The following NBEA variants were observed in gnomAD, a reference collection of about 807,000 sequenced individuals.
NBEA encodes the protein neurobeachin, also known as lysosomal-trafficking regulator 2.
In NBEA, 44 loss-of-function variants were observed where a neutral mutation model predicts 343.4. The observed-to-expected ratio is 0.13, with a 90% CI of 0.10 to 0.16. The LOEUF (loss-of-function observed/expected upper bound fraction) is 0.16, where lower values mean the gene tolerates loss of function less well. NBEA is among the 10% of genes least tolerant of loss of function. The pLI is 1.00. For missense variants in NBEA, 2,555 were observed against 3,631.3 expected, an observed-to-expected ratio of 0.70 and a Z score of 7.62; for synonymous variants, 1,175 against 1,238.7, an observed-to-expected ratio of 0.95 and a Z score of 1.08.
At chr13:35,258,540 T>A (rs1593970617) in intron 34 of NBEA, among the ~76,000 whole-genome samples, 2 of 148,784 alleles carry the variant, frequency 1.3e-5, no homozygotes, top group South Asian at 2.1e-4. Flanking sequence ...TTACTGGCCA[T>A]AAAAAAAAAA....
intron 39 of NBEA, among the ~76,000 whole-genome samples, chr13:35,443,243 A>G (rs184949608): frequency 3.9e-5 from 6 of 152,218 alleles, no homozygotes; most frequent in Admixed American, 2.0e-4. Context: ...AAAAGTCTGT[A>G]CAAGTTCCTT....
At chr13:35,515,512 T>A (rs2077450045) in intron 41 of NBEA, among the ~76,000 whole-genome samples, 1 of 152,232 alleles carries the variant, frequency 6.6e-6, no homozygotes. Flanking sequence ...GCAGCTTTGA[T>A]TATTAATTAA....
chr13:35,329,172 A>G (rs565423922), intron 36 of NBEA, among the ~76,000 whole-genome samples: 30 of 152,136 alleles, frequency 2.0e-4, no homozygotes, highest in African/African-American at 7.0e-4. Flanking sequence ...TGTAATGGGA[A>G]TAAATAGATT....
chr13:35,432,380 T>C lies in NBEA; in HGVS notation c.6291T>C (p.Ala2097=). Residue 2097 remains alanine, a synonymous_variant, in exon 39 of 59, where the codon GCT becomes GCC. Coordinates refer to ENST00000379939, the MANE Select transcript of NBEA (RefSeq NM_001385012.1). ...GSTHAEALLK[A]AIEYGTEEDV... is the part of the protein sequence containing the mutation. ...CTCATGCTGAAGCATTGCTGAAAGC[T>C]GCAATAGAATATGGTTAGTACCAAT... 2 of 1,606,314 alleles carry C rather than the reference T, an allele frequency of 1.2e-6. No individual in the cohort carries two copies. Among genetic ancestry groups the C allele is most frequent in the Non-Finnish European group, 1.7e-6 (2 of 1,176,002 alleles).
intron 18 of NBEA, among the ~76,000 whole-genome samples, chr13:35,154,951 C>A (rs1428122955): frequency 6.6e-6 from 1 of 151,090 alleles, no homozygotes; most frequent in Admixed American, 6.6e-5. Flanking sequence ...TAAAGTGGAC[C>A]CCATCTTTAC....
chr13:35,456,009 T>C (rs1301374507), intron 40 of NBEA, among the ~76,000 whole-genome samples: 1 of 152,052 alleles, frequency 6.6e-6, no homozygotes, highest in Non-Finnish European at 1.5e-5. Flanking sequence ...ACTGGTTCCA[T>C]TACATTAGAA....
At chr13:35,642,729 A>C (rs2084022599) in intron 49 of NBEA, among the ~76,000 whole-genome samples, 1 of 152,110 alleles carries the variant, frequency 6.6e-6, no homozygotes, top group Non-Finnish European at 1.5e-5. Flanking sequence ...TTTTAAGAGA[A>C]GCCAAAAAAT....
At chr13:35,276,382 G>T (rs919364782) in intron 34 of NBEA, among the ~76,000 whole-genome samples, 7 of 152,078 alleles carry the variant, frequency 4.6e-5, no homozygotes, top group Non-Finnish European at 8.8e-5. Flanking sequence ...AGACATTTGG[G>T]TGCTTAAAAT....
At chr13:35,417,064 T>C (rs1345021085) in intron 38 of NBEA, among the ~76,000 whole-genome samples, 1 of 152,238 alleles carries the variant, frequency 6.6e-6, no homozygotes. Flanking sequence ...TTTGTATTTC[T>C]GTGGAAACGG....
At chr13:35,107,435 T>C (rs1432830054) in intron 11 of NBEA, among the ~76,000 whole-genome samples, 1 of 151,982 alleles carries the variant, frequency 6.6e-6, no homozygotes, top group Non-Finnish European at 1.5e-5. Flanking sequence ...ATAATTCTAT[T>C]ATATTAATAC....
At chr13:35,090,618 A>G (rs914962340) in intron 10 of NBEA, among the ~76,000 whole-genome samples, 13 of 151,908 alleles carry the variant, frequency 8.6e-5, no homozygotes, top group Non-Finnish European at 4.4e-5. Flanking sequence ...ATCTGGGCAT[A>G]TTGAACAACT....
intron 31 of NBEA, among the ~76,000 whole-genome samples, chr13:35,207,223 T>G (rs544964948): frequency 3.5e-4 from 53 of 151,986 alleles, no homozygotes; most frequent in African/African-American, 1.3e-3. Flanking sequence ...AAACCACTTA[T>G]TTGTGGAAAA....
intron 1 of NBEA, among the ~76,000 whole-genome samples, chr13:34,970,323 A>G (rs2059958874): frequency 6.6e-6 from 1 of 152,056 alleles, no homozygotes; most frequent in Admixed American, 6.6e-5. Flanking sequence ...CATGGTTTGT[A>G]AAATTTTCTC....
chr13:35,157,321 A>T, intron 21 of NBEA, 51 bp downstream of exon 21: 1 of 1,323,836 alleles, frequency 7.6e-7, no homozygotes, highest in South Asian at 2.0e-5. Context: ...GCAGTGGATT[A>T]AATGGCTACA....
At chr13:35,057,693 A>G (rs1345917255) in intron 7 of NBEA, among the ~76,000 whole-genome samples, 1 of 152,036 alleles carries the variant, frequency 6.6e-6, no homozygotes, top group Non-Finnish European at 1.5e-5. Context: ...TTTATTATAG[A>G]GTGGAGGAAA....
chr13:35,161,472 G>T (rs1235152753), intron 22 of NBEA, among the ~76,000 whole-genome samples: 1 of 151,970 alleles, frequency 6.6e-6, no homozygotes, highest in South Asian at 2.1e-4. Flanking sequence ...GGGGTAAAGG[G>T]GTCTGGTTTT....
intron 53 of NBEA, among the ~76,000 whole-genome samples, chr13:35,652,766 C>G (rs1212859656): frequency 4.9e-5 from 6 of 122,438 alleles, no homozygotes; most frequent in African/African-American, 1.8e-4. Flanking sequence ...GCGATCTCGG[C>G]TCACTGCAAC....
chr13:35,570,738 A>T (rs1488583866), intron 45 of NBEA, among the ~76,000 whole-genome samples: 1 of 152,206 alleles, frequency 6.6e-6, no homozygotes, highest in African/African-American at 2.4e-5. Flanking sequence ...CTTACAAATG[A>T]GCTAGAAACC....
rs1026725033 is a variant in NBEA, at chr13:35,340,651, T to A, written c.5904-8457T>A. ...TATTTTATTACAATTAAACTTTTTT[T>A]AAAAAAGGAATAAATTTAGCCAAAG... On this transcript the variant is annotated intron_variant, in intron 36 of 58. Transcript: ENST00000379939. 4.6e-5 allele frequency among the ~76,000 whole-genome samples: 7 copies of A among 151,976 alleles called. No homozygotes were observed. The South Asian group carries it at 6.2e-4, about 14-fold the overall frequency.
Sources: allele counts gnomAD v4.1 joint callset (sites outside exome capture counted in the v4.1 genomes callset), GRCh38; gene constraint gnomAD v4.1.1; transcripts MANE v1.5; gene names NCBI Gene and HGNC (gene_info 2026-07-23, HGNC 2026-07-21).